The following WFDC3 variants were observed in gnomAD, a reference collection of about 807,000 sequenced individuals.
The protein encoded by WFDC3 is WAP four-disulfide core domain 3.
Under a neutral mutation model 25.8 loss-of-function variants are expected in WFDC3, and 15 were observed. The ratio of observed to expected loss-of-function variants is 0.58; its 90% confidence interval spans 0.39 to 0.89. WFDC3 has a LOEUF of 0.89. Ranked by LOEUF, WFDC3 falls within the 40% of genes least tolerant of loss-of-function variation. The pLI, the probability that WFDC3 is intolerant of heterozygous loss-of-function variation, is 0.00. For missense variants in WFDC3, 264 were observed against 289.8 expected, an observed-to-expected ratio of 0.91 and a Z score of 0.65; for synonymous variants, 103 against 107.1, an observed-to-expected ratio of 0.96 and a Z score of 0.24.
intron 4 of WFDC3, among the ~76,000 whole-genome samples, chr20:45,786,821 A>G (rs6032534): frequency 0.65 from 98,843 of 151,878 alleles, 32,375 homozygotes; most frequent in Admixed American, 0.72. Context: ...CAGGCCAGGC[A>G]TGGTGGCTCA....
chr20:45,777,507 T>G (rs866886044), intron 4 of WFDC3, among the ~76,000 whole-genome samples: 23 of 150,896 alleles, frequency 1.5e-4, no homozygotes, highest in African/African-American at 5.4e-4. Context: ...CATGCCATCA[T>G]GCCTGGCTTA....
At chr20:45,789,688 T>C (rs570299710) in intron 2 of WFDC3, among the ~76,000 whole-genome samples, 11 of 152,148 alleles carry the variant, frequency 7.2e-5, no homozygotes, top group African/African-American at 2.4e-4. Context: ...CAACTGGAAG[T>C]CCTATCTCCT....
Position 45,777,217 on chromosome 20 carries a change from A to T in WFDC3, c.359-8T>A. On this transcript the variant is annotated splice_polypyrimidine_tract_variant and splice_region_variant and intron_variant, in intron 4 of 6. Coordinates refer to ENST00000243938, the MANE Select transcript of WFDC3 (RefSeq NM_080614.2). ...ATTCACCACCAAACTCTGCTACATAATCAAAGCATTGGAGCCCAGAGACGC... is the reference window on the plus strand; with the variant it reads ...ATTCACCACCAAACTCTGCTACATATTCAAAGCATTGGAGCCCAGAGACGC... 1 of 1,520,886 alleles carries T rather than the reference A, an allele frequency of 6.6e-7. No individual in the cohort carries two copies. The highest frequency in any genetic ancestry group is 1.3e-5 in the South Asian group (1 of 76,636). 94.2% of individuals were successfully genotyped at this position (1,520,886 alleles called of 1,614,324 possible).
intron 5 of WFDC3, among the ~76,000 whole-genome samples, chr20:45,775,816 C>T (rs1980116307): frequency 6.7e-6 from 1 of 148,328 alleles, no homozygotes; most frequent in African/African-American, 2.5e-5. Flanking sequence ...AATGGTGCCC[C>T]AAAGGGAGTT....
chr20:45,777,637 G>T (rs967717473), intron 4 of WFDC3, among the ~76,000 whole-genome samples: 3 of 152,168 alleles, frequency 2.0e-5, no homozygotes, highest in African/African-American at 7.2e-5. Context: ...TCCCACCACA[G>T]CCTCCTGAGT....
In WFDC3 at chr20:45,789,874, G is replaced by A; in HGVS notation, c.82+20C>T. The A allele has an allele frequency of 6.2e-7, 1 of 1,608,018 alleles. No homozygotes were observed. The highest frequency in any genetic ancestry group is 8.5e-7 in the Non-Finnish European group (1 of 1,174,468). The stretch of plus-strand genomic sequence containing the variant: ...TCACTTTCTGTTACTGTTGGCCAGG[G>A]ATCCCAAATGATAGCTCACCATGTT... On this transcript the variant is annotated intron_variant, in intron 2 of 6. Coordinates refer to ENST00000243938, the MANE Select transcript of WFDC3 (RefSeq NM_080614.2).
chr20:45,791,588 C>T (rs896708884), intron 1 of WFDC3, among the ~76,000 whole-genome samples: 1 of 152,164 alleles, frequency 6.6e-6, no homozygotes, highest in Admixed American at 6.5e-5. Context: ...TGAGCCACCG[C>T]CCCTGGCCGA....
chr20:45,786,880 G>A (rs1980690051), intron 4 of WFDC3, among the ~76,000 whole-genome samples: 2 of 151,928 alleles, frequency 1.3e-5, no homozygotes, highest in South Asian at 4.2e-4. Context: ...GGATCACGAG[G>A]TCAGGAGATT....
rs750413894 is a variant in WFDC3, at chr20:45,777,786, G to T, written c.359-577C>A. ...TCCTCCCGCCTGAGCCTCCCAAAGTGCCAGGATTACAGGCGTGAGCCCCCC... is the reference window on the plus strand; with the variant it reads ...TCCTCCCGCCTGAGCCTCCCAAAGTTCCAGGATTACAGGCGTGAGCCCCCC... On this transcript the variant is annotated intron_variant, in intron 4 of 6. Transcript: ENST00000243938. Among the ~76,000 whole-genome samples, 24 of 152,276 alleles carry T rather than the reference G, an allele frequency of 1.6e-4. No individual in the cohort carries two copies. The Middle Eastern group carries it at 0.014, about 86-fold the overall frequency.
intron 4 of WFDC3, among the ~76,000 whole-genome samples, chr20:45,780,693 A>C (rs1363236867): frequency 6.6e-6 from 1 of 152,108 alleles, no homozygotes; most frequent in Non-Finnish European, 1.5e-5. Context: ...CCCAGGAAAT[A>C]CTCACTCACA....
At chr20:45,786,565 G>T (rs1415527398) in intron 4 of WFDC3, among the ~76,000 whole-genome samples, 3 of 152,100 alleles carry the variant, frequency 2.0e-5, no homozygotes, top group Non-Finnish European at 4.4e-5. Context: ...GCGGGCATGG[G>T]ATCTACCGTA....
At chr20:45,788,885 C>A (rs749333363) in intron 3 of WFDC3, 46 bp downstream of exon 3, 5 of 1,568,902 alleles carry the variant, frequency 3.2e-6, no homozygotes, top group Admixed American at 3.9e-5. Flanking sequence ...ATCCCAGAGG[C>A]AATGTCAGAG....
chr20:45,782,788 C>T lies in WFDC3; in HGVS notation c.358+5048G>A, dbSNP rs552014944. On this transcript the variant is annotated intron_variant, in intron 4 of 6. Transcript: ENST00000243938. Reference sequence around the variant, plus strand: ...GGTCTTCCATCTTCTACACTTGCCCCCATCCATTCTTCATATACTGGCAGA... The same window carrying T: ...GGTCTTCCATCTTCTACACTTGCCCTCATCCATTCTTCATATACTGGCAGA... Among the ~76,000 whole-genome samples the T allele has an allele frequency of 8.7e-4, 132 of 152,316 alleles. 2 individuals carry two copies. Among genetic ancestry groups the T allele is most frequent in the African/African-American group, 3.1e-3 (130 of 41,566 alleles).
intron 3 of WFDC3, 184 bp from the exon 4 acceptor site, chr20:45,788,166 G>A (rs1912418015): frequency 6.3e-6 from 3 of 478,528 alleles, no homozygotes. Context: ...AGTCGGGGGT[G>A]GTGGCACATG....
intron 2 of WFDC3, among the ~76,000 whole-genome samples, chr20:45,789,384 T>C (rs1601019328): frequency 6.6e-6 from 1 of 151,450 alleles, no homozygotes; most frequent in Non-Finnish European, 1.5e-5. Context: ...CGGGCACCTG[T>C]AGTCCCAGCT....
rs1436448991 is a variant in WFDC3, at chr20:45,781,083, T to TA, written c.359-3875dup. Among the ~76,000 whole-genome samples, 97 of 67,762 alleles carry TA rather than the reference T, an allele frequency of 1.4e-3. 3 individuals are homozygous for TA. Among genetic ancestry groups the TA allele is most frequent in the Middle Eastern group, 8.3e-3 (1 of 120 alleles). The allele number at this position is 67,762 out of a possible 152,430, so 44.5% of individuals were successfully genotyped here. A position where few individuals can be genotyped will look rare whatever the true frequency, so the allele number is the denominator to read the frequency against. On this transcript the variant is annotated intron_variant, in intron 4 of 6. Transcript: ENST00000243938. ...GTTGAAACCCTGTCTCTACTAAAAATACAAAAAAAAAAAAAAAAAGCCGGG... is the reference window on the plus strand; with the variant it reads ...GTTGAAACCCTGTCTCTACTAAAAATAACAAAAAAAAAAAAAAAAAGCCGGG...
intron 4 of WFDC3, chr20:45,778,614 T>C (rs1416137251): frequency 6.6e-6 from 1 of 152,166 alleles, no homozygotes; most frequent in Non-Finnish European, 1.5e-5. Flanking sequence ...AGTCCAAAGA[T>C]AGACATTACA....
chr20:45,780,047 T>C (rs1470381525), intron 4 of WFDC3, among the ~76,000 whole-genome samples: 1 of 147,696 alleles, frequency 6.8e-6, no homozygotes, highest in African/African-American at 2.5e-5. Context: ...CTACTTAAGC[T>C]AGACAGCCTT....
intron 4 of WFDC3, among the ~76,000 whole-genome samples, chr20:45,782,279 T>C (rs1235038028): frequency 1.3e-5 from 2 of 152,218 alleles, no homozygotes; most frequent in Admixed American, 1.3e-4. Flanking sequence ...CACTTACTTG[T>C]TCACCCAGTC....
Sources: allele counts gnomAD v4.1 joint callset (sites outside exome capture counted in the v4.1 genomes callset), GRCh38; gene constraint gnomAD v4.1.1; transcripts MANE v1.5; gene names NCBI Gene and HGNC (gene_info 2026-07-23, HGNC 2026-07-21).